MYO10: variants seen among roughly 807,000 people sequenced by gnomAD.
MYO10 encodes unconventional myosin-X.
MYO10 carries 133 observed loss-of-function variants against 257.3 expected under a neutral mutation model. The observed-to-expected ratio is 0.52, with a 90% CI of 0.45 to 0.60. The LOEUF (loss-of-function observed/expected upper bound fraction) is 0.60. MYO10 is among the 20% of genes least tolerant of loss of function. The probability of loss-of-function intolerance (pLI) is 0.00; values close to 1 mark genes in which losing one functional copy is unlikely to be tolerated. For synonymous variants in MYO10, 1,104 were observed against 1,028.6 expected (o/e 1.07, Z -1.40); for missense variants, 2,399 against 2,635.7 (o/e 0.91, Z 1.97).
chr5:16,820,016 C>T (rs1052157108), intron 2 of MYO10, among the ~76,000 whole-genome samples: 2 of 152,194 alleles, frequency 1.3e-5, no homozygotes, highest in Non-Finnish European at 2.9e-5. Flanking sequence ...GTCCTAGTGG[C>T]CCCATCTCAT....
At chr5:16,846,435 C>G (rs1046052889) in intron 2 of MYO10, among the ~76,000 whole-genome samples, 1 of 152,222 alleles carries the variant, frequency 6.6e-6, no homozygotes, top group Non-Finnish European at 1.5e-5. Context: ...AAGGCTAACA[C>G]CTGGGCCCGC....
At chr5:16,799,778 A>C (rs558800752) in intron 3 of MYO10, among the ~76,000 whole-genome samples, 12 of 152,084 alleles carry the variant, frequency 7.9e-5, no homozygotes, top group Admixed American at 2.6e-4. Context: ...ACAGATATGA[A>C]CCACTGTGCC....
intron 2 of MYO10, among the ~76,000 whole-genome samples, chr5:16,868,265 C>T (rs1009862229): frequency 4.6e-5 from 7 of 152,196 alleles, no homozygotes; most frequent in African/African-American, 7.2e-5. Context: ...TTCCTTCTTA[C>T]CCTTTTACAT....
At chr5:16,831,773 T>C (rs1206363085) in intron 2 of MYO10, among the ~76,000 whole-genome samples, 1 of 152,138 alleles carries the variant, frequency 6.6e-6, no homozygotes, top group African/African-American at 2.4e-5. Context: ...GGGTGCAGTG[T>C]ATACTACTCA....
intron 9 of MYO10, among the ~76,000 whole-genome samples, chr5:16,775,256 C>G (rs1233896630): frequency 6.6e-6 from 1 of 152,124 alleles, no homozygotes; most frequent in African/African-American, 2.4e-5. Context: ...CAGGAAAAAC[C>G]AAGACGCTCC....
chr5:16,919,212 T>C (rs900986352), intron 1 of MYO10, among the ~76,000 whole-genome samples: 2 of 151,996 alleles, frequency 1.3e-5, no homozygotes, highest in African/African-American at 4.8e-5. Context: ...ACCCTGTCTC[T>C]ACTAAAAACA....
intron 4 of MYO10, among the ~76,000 whole-genome samples, chr5:16,786,387 C>T (rs1008584581): frequency 6.6e-6 from 1 of 152,182 alleles, no homozygotes; most frequent in Non-Finnish European, 1.5e-5. Context: ...GGATATCAAT[C>T]TCTGTCAATC....
In MYO10 at chr5:16,703,083, T is replaced by A. The variant is rs1561195300; in HGVS notation, c.2352A>T (p.Arg784Ser). ...KNYRAFLLRR[R>S]FLHLKKAAIV... Reference sequence around the variant, plus strand: ...TGGCTGCCTTTTTCAGGTGCAAAAATCTCCTCCTCAGAAGGAATGCTCTGT... The same window carrying A: ...TGGCTGCCTTTTTCAGGTGCAAAAAACTCCTCCTCAGAAGGAATGCTCTGT... The change falls in exon 23 of 41, where the codon AGA becomes AGT. Residue 784 changes from arginine to serine, a missense_variant. Coordinates refer to ENST00000513610, the MANE Select transcript of MYO10 (RefSeq NM_012334.3). 6.3e-7 allele frequency: 1 copy of A among 1,576,062 alleles called. No homozygotes were observed. Among genetic ancestry groups the A allele is most frequent in the Non-Finnish European group, 8.6e-7 (1 of 1,159,208 alleles).
At chr5:16,843,931 TACA>T (rs1374771754) in intron 2 of MYO10, among the ~76,000 whole-genome samples, 3 of 152,208 alleles carry the variant, frequency 2.0e-5, no homozygotes, top group African/African-American at 7.2e-5. Flanking sequence ...TACATGGTTA[TACA>T]AGAACTTCAA....
At chr5:16,885,192 CTTTT>C (rs57492208) in intron 1 of MYO10, among the ~76,000 whole-genome samples, 1 of 143,250 alleles carries the variant, frequency 7.0e-6, no homozygotes, top group Non-Finnish European at 1.5e-5. Flanking sequence ...GTCCACTCTG[CTTTT>C]TTTTTTTTTT....
intron 1 of MYO10, among the ~76,000 whole-genome samples, chr5:16,900,191 T>C (rs867685772): frequency 6.6e-6 from 1 of 152,170 alleles, no homozygotes; most frequent in Non-Finnish European, 1.5e-5. Flanking sequence ...CGGTTCCTTA[T>C]TTAAGTTATT....
At chr5:16,805,458 C>CAAAAAAAAAAAAAAAA (rs36126574) in intron 3 of MYO10, among the ~76,000 whole-genome samples, 17 of 78,286 alleles carry the variant, frequency 2.2e-4, no homozygotes, top group Non-Finnish European at 2.9e-4. Context: ...GACTCCATCT[C>CAAAAAAAAAAAAAAAA]AAAAAAAAAA....
chr5:16,757,138 A>AC (rs1740551818), intron 18 of MYO10, among the ~76,000 whole-genome samples: 1 of 150,112 alleles, frequency 6.7e-6, no homozygotes, highest in South Asian at 2.1e-4. Flanking sequence ...AAAAAAAAAA[A>AC]AAAAAGTCGG....
At chr5:16,808,130 T>C (rs770853381) in intron 3 of MYO10, among the ~76,000 whole-genome samples, 2 of 152,208 alleles carry the variant, frequency 1.3e-5, no homozygotes, top group Non-Finnish European at 2.9e-5. Flanking sequence ...CACTATCTTC[T>C]ACATAACCCA....
intron 9 of MYO10, 58 bp downstream of exon 9, chr5:16,779,487 G>A (rs2126667676): frequency 1.9e-6 from 2 of 1,026,258 alleles, no homozygotes; most frequent in East Asian, 2.7e-5. Flanking sequence ...AATGAAATCT[G>A]TTACTCTTAA....
At chr5:16,792,110 T>TACACACACACACACATACATAC (rs1295201305) in intron 4 of MYO10, among the ~76,000 whole-genome samples, 6 of 139,006 alleles carry the variant, frequency 4.3e-5, no homozygotes, top group Non-Finnish European at 7.7e-5. Context: ...CACACATACA[T>TACACACACACACACATACATAC]ACACACACAC....
intron 21 of MYO10, chr5:16,710,589 G>A (rs914949194): frequency 3.0e-6 from 1 of 333,686 alleles, no homozygotes; most frequent in Non-Finnish European, 5.7e-6. Context: ...ACTGGGGGCT[G>A]CCTCCTACTT....
chr5:16,794,853 C>T lies in MYO10; in HGVS notation c.280-20G>A, dbSNP rs761095530. 15 of 1,453,918 alleles carry T rather than the reference C, an allele frequency of 1.0e-5. No individual in the cohort carries two copies. The highest frequency in any genetic ancestry group is 1.4e-5 in the African/African-American group (1 of 70,098). 90.1% of individuals were successfully genotyped at this position (1,453,918 alleles called of 1,614,324 possible). On this transcript the variant is annotated intron_variant, in intron 3 of 40. Coordinates refer to ENST00000513610, the MANE Select transcript of MYO10 (RefSeq NM_012334.3). Reference sequence around the variant, plus strand: ...GTAGGTCTGCAAGCACAGAGTGAGACAGGGATGCGTCACTTCTAACCCAGG... The same window carrying T: ...GTAGGTCTGCAAGCACAGAGTGAGATAGGGATGCGTCACTTCTAACCCAGG...
chr5:16,849,360 A>T (rs1743733099), intron 2 of MYO10, among the ~76,000 whole-genome samples: 1 of 152,144 alleles, frequency 6.6e-6, no homozygotes, highest in Non-Finnish European at 1.5e-5. Flanking sequence ...GCAAAGTCAC[A>T]TAAGTCAGTT....
Sources: gnomAD v4.1 joint callset for allele counts (sites outside exome capture counted in the v4.1 genomes callset) on GRCh38, gnomAD v4.1.1 for gene constraint, MANE v1.5 for transcripts, NCBI Gene and HGNC (gene_info 2026-07-23, HGNC 2026-07-21) for gene names.